TEX55: variants seen among roughly 807,000 people sequenced by gnomAD.
The protein encoded by TEX55 is testis-specific expressed protein 55.
In TEX55, 31 loss-of-function variants were observed where a neutral mutation model predicts 44.6. The ratio of observed to expected loss-of-function variants is 0.69; its 90% CI spans 0.52 to 0.94. The LOEUF (loss-of-function observed/expected upper bound fraction) is 0.94, where lower values mean the gene tolerates loss of function less well. Among genes scored for constraint, TEX55 ranks in the 40% least tolerant of loss-of-function variants. The pLI is 0.00. For synonymous variants in TEX55, 230 were observed against 230.9 expected (o/e 1.00, Z 0.04); for missense variants, 639 against 638.4 (o/e 1.00, Z -0.01).
intron 1 of TEX55, among the ~76,000 whole-genome samples, 190 bp from the exon 2 acceptor site, chr3:119,147,990 C>A (rs972006946): frequency 6.6e-6 from 1 of 152,122 alleles, no homozygotes; most frequent in East Asian, 1.9e-4. Flanking sequence ...CCTAAGGTAC[C>A]TCCCAGGACA....
In TEX55 at chr3:119,146,376, G is replaced by A. The variant is rs774659402; in HGVS notation, c.187G>A (p.Ala63Thr). 1.2e-6 allele frequency: 2 copies of A among 1,614,186 alleles called. No individual in the cohort carries two copies. Among genetic ancestry groups the A allele is most frequent in the Non-Finnish European group, 1.7e-6 (2 of 1,180,030 alleles). The change falls in exon 1 of 3, where the codon GCT becomes ACT. Residue 63 changes from alanine (A) to threonine (T), a missense_variant. Transcript: ENST00000295622. ...DQTALRVPSQ[A>T]ESSIFSQATN... ...GACTGCCCTAAGAGTGCCTAGCCAG[G>A]CTGAATCCAGCATATTTAGCCAAGC...
Position 119,146,718 on chromosome 3 carries a change from C to G in TEX55, c.529C>G (p.Gln177Glu), listed in dbSNP as rs1392136568. ...GCCATCTGACCAGAGAGGTTCCAGA[C>G]AGACCGACCACAGAATGGCAGGCCA... ...AMPSDQRGSR[Q>E]TDHRMAGQSE... Residue 177 changes from glutamine to glutamate, a missense_variant, in exon 1 of 3, where the codon CAG becomes GAG. Physicochemically the swap from Gln to Glu is conservative, Grantham distance 29. Coordinates refer to ENST00000295622, the MANE Select transcript of TEX55 (RefSeq NM_152539.3). 1.2e-6 allele frequency: 2 copies of G among 1,614,126 alleles called. No individual in the cohort carries two copies. The highest frequency in any genetic ancestry group is 1.7e-5 in the Admixed American group (1 of 60,010).
rs2077779923 is a variant in TEX55 at position 119,151,443 on chromosome 3, A to T, written c.*151A>T. Reference sequence around the variant, plus strand: ...CATTCAAGTTTTTAAAAAATAAATAAAACATAACCAGCATCCCAGAAGCCC... The same window carrying T: ...CATTCAAGTTTTTAAAAAATAAATATAACATAACCAGCATCCCAGAAGCCC... On this transcript the variant is annotated 3_prime_UTR_variant, in exon 3 of 3. Transcript: ENST00000295622. 1 of 544,830 alleles carries T rather than the reference A, an allele frequency of 1.8e-6. No individual in the cohort carries two copies. Among genetic ancestry groups the T allele is most frequent in the African/African-American group, 2.0e-5 (1 of 50,858 alleles). The allele number at this position is 544,830 out of a possible 1,614,324, so 33.7% of individuals were successfully genotyped here. A position where few individuals can be genotyped will look rare whatever the true frequency, so the allele number is the denominator to read the frequency against.
Position 119,147,405 on chromosome 3 carries a change from C to T in TEX55, c.1216C>T (p.Pro406Ser). Residue 406 changes from proline to serine, a missense_variant, in exon 1 of 3, where the codon CCT becomes TCT. Pro to Ser is a moderately conservative substitution (Grantham distance 74, BLOSUM62 -1). Transcript: ENST00000295622. Reference protein sequence around the residue: ...EDSQVDLNSKPSVEMETQNAT... With the variant: ...EDSQVDLNSKSSVEMETQNAT... ...TAGCCAAGTAGACCTCAATTCCAAG[C>T]CTTCAGTTGAAATGGAAACTCAGAA... 1 of 1,614,156 alleles carries T rather than the reference C, an allele frequency of 6.2e-7. No homozygotes were observed. Among genetic ancestry groups the T allele is most frequent in the Non-Finnish European group, 8.5e-7 (1 of 1,180,038 alleles).
rs1221191823 is a variant in TEX55 at position 119,151,213 on chromosome 3, CTCTT to C, written c.1543-7_1543-4del. On this transcript the variant is annotated splice_region_variant and splice_polypyrimidine_tract_variant and intron_variant, in intron 2 of 2. Coordinates refer to ENST00000295622, the MANE Select transcript of TEX55 (RefSeq NM_152539.3). ...GAACCATAATGTGATGCCTTATGCT[CTCTT>C]TCTCAGCAGATTACTGAAAACTTAG... The C allele has an allele frequency of 1.3e-6, 2 of 1,579,530 alleles. No homozygotes were observed. The highest frequency in any genetic ancestry group is 1.7e-6 in the Non-Finnish European group (2 of 1,148,700).
chr3:119,150,828 A>T (rs1412203605), intron 2 of TEX55, among the ~76,000 whole-genome samples: 1 of 152,172 alleles, frequency 6.6e-6, no homozygotes, highest in Non-Finnish European at 1.5e-5. Flanking sequence ...AAAAATATCA[A>T]TTGCTATTTA....
intron 2 of TEX55, among the ~76,000 whole-genome samples, chr3:119,150,953 G>T (rs2077775688): frequency 6.6e-6 from 1 of 152,136 alleles, no homozygotes; most frequent in East Asian, 1.9e-4. Flanking sequence ...ACCATAGTGA[G>T]CCAGAAATAG....
At chr3:119,150,012 A>G (rs1278625921) in intron 2 of TEX55, among the ~76,000 whole-genome samples, 1 of 152,172 alleles carries the variant, frequency 6.6e-6, no homozygotes, top group Non-Finnish European at 1.5e-5. Context: ...AGCATGGAGG[A>G]AAGAGCACAG....
At chr3:119,148,029 C>T (rs2077747576) in intron 1 of TEX55, 151 bp from the exon 2 acceptor site, 1 of 730,218 alleles carries the variant, frequency 1.4e-6, no homozygotes, top group Non-Finnish European at 2.3e-6. Flanking sequence ...ACCTGGAGAC[C>T]TGGAGGATTA....
Position 119,146,896 on chromosome 3 carries a change from A to G in TEX55, c.707A>G (p.Gln236Arg), listed in dbSNP as rs2107555729. The G allele has an allele frequency of 6.2e-7, 1 of 1,614,054 alleles. No homozygotes were observed. The highest frequency in any genetic ancestry group is 8.5e-7 in the Non-Finnish European group (1 of 1,179,900). Reference protein sequence around the residue: ...IDSGSSVPSDQSPSVQIDSGS... With the variant: ...IDSGSSVPSDRSPSVQIDSGS... ...AGTGGGTCATCCGTCCCATCTGACC[A>G]AAGTCCTTCTGTACAGATTGACAGT... Residue 236 changes from glutamine to arginine, a missense_variant, in exon 1 of 3, where the codon CAA (glutamine) becomes CGA (arginine). By Grantham distance (43) the Gln-to-Arg change is conservative. Transcript: ENST00000295622.
chr3:119,147,461 T>C lies in TEX55; in HGVS notation c.1272T>C (p.Val424=). 6.2e-7 allele frequency: 1 copy of C among 1,614,162 alleles called. No individual in the cohort carries two copies. Among genetic ancestry groups the C allele is most frequent in the East Asian group, 2.2e-5 (1 of 44,882 alleles). The part of the protein sequence containing the change: ...NATTIPPYNP[V]DARFTSNFQA... ...CCACTATCCCACCCTACAACCCAGT[T>C]GATGCCAGATTCACCAGTAACTTCC... The change falls in exon 1 of 3, where the codon GTT becomes GTC. Residue 424 remains valine (V), a synonymous_variant. Coordinates refer to ENST00000295622, the MANE Select transcript of TEX55 (RefSeq NM_152539.3).
intron 2 of TEX55, among the ~76,000 whole-genome samples, chr3:119,150,264 G>A (rs568528795): frequency 1.3e-5 from 2 of 152,172 alleles, no homozygotes; most frequent in South Asian, 4.2e-4. Flanking sequence ...TAAACTGAAG[G>A]ATGAAACCTG....
Position 119,148,410 on chromosome 3 carries a change from T to C in TEX55, c.1542+87T>C, listed in dbSNP as rs116011962. The C allele has an allele frequency of 1.3e-4, 160 of 1,264,618 alleles. No homozygotes were observed. In the African/African-American group the frequency reaches 2.3e-3, roughly 18 times the overall value. The allele number at this position is 1,264,618 out of a possible 1,614,324, so 78.3% of individuals were successfully genotyped here. On this transcript the variant is annotated intron_variant, in intron 2 of 2. Coordinates refer to ENST00000295622, the MANE Select transcript of TEX55 (RefSeq NM_152539.3). ...TTCTGTAAAAAGGGATATATTCTAA[T>C]TGAGAAGACAATAAGTGCATTAAGA...
Position 119,146,501 on chromosome 3 carries a change from T to A in TEX55, c.312T>A (p.Asp104Glu). 1.2e-6 allele frequency: 2 copies of A among 1,613,996 alleles called. No homozygotes were observed. Among genetic ancestry groups the A allele is most frequent in the Non-Finnish European group, 8.5e-7 (1 of 1,180,014 alleles). Reference sequence around the variant, plus strand: ...ATGTTTCTGACCTTAGAGCAGATGATCAGGTTAATCAAACACCGTCTGAAC... The same window carrying A: ...ATGTTTCTGACCTTAGAGCAGATGAACAGGTTAATCAAACACCGTCTGAAC... The part of the protein sequence containing the change: ...PADVSDLRAD[D>E]QVNQTPSEQT... The change falls in exon 1 of 3, where the codon GAT becomes GAA. Residue 104 changes from aspartate (D) to glutamate (E), a missense_variant. By Grantham distance (45) the Asp-to-Glu change is conservative. Coordinates refer to ENST00000295622, the MANE Select transcript of TEX55 (RefSeq NM_152539.3).
Position 119,151,224 on chromosome 3 carries a change from CA to C in TEX55, c.1544del (p.Gln515ArgfsTer6). 6.2e-7 allele frequency: 1 copy of C among 1,601,160 alleles called. No homozygotes were observed. The highest frequency in any genetic ancestry group is 8.6e-7 in the Non-Finnish European group (1 of 1,168,350). On this transcript the variant is annotated frameshift_variant and splice_region_variant, in exon 3 of 3. Transcript: ENST00000295622. LOFTEE classifies it high-confidence loss of function. The stretch of plus-strand genomic sequence containing the variant: ...TGATGCCTTATGCTCTCTTTCTCAG[CA>C]GATTACTGAAAACTTAGTCTATGAA... ...EKHHILQIFQ[Q>X]ITENLVYEKP... is the part of the protein sequence containing the mutation.
intron 2 of TEX55, 135 bp from the exon 3 acceptor site, chr3:119,151,089 G>A: frequency 1.5e-6 from 1 of 652,728 alleles, no homozygotes; most frequent in Non-Finnish European, 2.8e-6. Context: ...TTGGGTGACA[G>A]AGTGGGAACC....
rs1345136528 is a variant in TEX55 at position 119,146,644 on chromosome 3, C to A, written c.455C>A (p.Thr152Asn). ...GAACAGACTGAACGAAGATTACCTA[C>A]CCAGGCTGAGAGAAGAACTTCTGGG... ...TAEQTERRLP[T>N]QAERRTSGQI... Residue 152 changes from threonine to asparagine, a missense_variant, in exon 1 of 3, where the codon ACC becomes AAC. Coordinates refer to ENST00000295622, the MANE Select transcript of TEX55 (RefSeq NM_152539.3). The A allele has an allele frequency of 6.2e-7, 1 of 1,614,162 alleles. No individual in the cohort carries two copies.
At position 119,148,329 on chromosome 3, in the gene TEX55, C is replaced by T. The variant is rs2077750107; in HGVS notation, c.1542+6C>T. ...ACATTCTGCAAATATTCCAGGTAAA[C>T]CTCTCAATTCCTCTCTTTAATTATA... On this transcript the variant is annotated splice_donor_region_variant and intron_variant, in intron 2 of 2. Transcript: ENST00000295622. 3.1e-6 allele frequency: 5 copies of T among 1,605,138 alleles called. No homozygotes were observed. Among genetic ancestry groups the T allele is most frequent in the East Asian group, 2.2e-5 (1 of 44,754 alleles).
At chr3:119,150,095 ATTT>A (rs2077767524) in intron 2 of TEX55, among the ~76,000 whole-genome samples, 2 of 152,214 alleles carry the variant, frequency 1.3e-5, no homozygotes, top group South Asian at 4.1e-4. Flanking sequence ...GGGAAAAATT[ATTT>A]AACTTTTGTG....
Sources: allele counts gnomAD v4.1 joint callset (sites outside exome capture counted in the v4.1 genomes callset), GRCh38; gene constraint gnomAD v4.1.1; transcripts MANE v1.5; gene names NCBI Gene and HGNC (gene_info 2026-07-23, HGNC 2026-07-21).